The following GCNT2 variants were observed in gnomAD, a reference collection of about 807,000 sequenced individuals.
GCNT2 encodes the protein N-acetyllactosaminide beta-1,6-N-acetylglucosaminyl-transferase.
A neutral mutation model predicts 34.2 loss-of-function variants in GCNT2; 34 were observed. The ratio of observed to expected loss-of-function variants is 1.00; its 90% CI spans 0.76 to 1.32. The LOEUF is 1.32. Ranked by LOEUF, GCNT2 falls within the 40% of genes most tolerant of loss-of-function variation. The pLI is 0.00. For synonymous variants in GCNT2, 212 were observed against 188.0 expected (o/e 1.13, Z -1.04); for missense variants, 584 against 489.4 (o/e 1.19, Z -1.82).
At chr6:10,537,481 A>G (rs564452655) in intron 3 of GCNT2, among the ~76,000 whole-genome samples, 1 of 152,032 alleles carries the variant, frequency 6.6e-6, no homozygotes, top group Non-Finnish European at 1.5e-5. Context: ...CAGGTGGATC[A>G]CTAGAGGTCA....
chr6:10,623,292 ATT>A lies in GCNT2; in HGVS notation c.1018+1863_1018+1864del, dbSNP rs35557936. Reference sequence around the variant, plus strand: ...ACAGTGCATGCCACCTGCCTACATTATTTTTTTTTTTTTTTGAGATGGAGTTT... The same window carrying A: ...ACAGTGCATGCCACCTGCCTACATTATTTTTTTTTTTTTGAGATGGAGTTT... On this transcript the variant is annotated intron_variant, in intron 4 of 4. Transcript: ENST00000495262. Among the ~76,000 whole-genome samples, 308 of 139,496 alleles carry A rather than the reference ATT, an allele frequency of 2.2e-3. 1 individual carries two copies. Among genetic ancestry groups the A allele is most frequent in the African/African-American group, 4.7e-3 (178 of 38,220 alleles). The allele number at this position is 139,496 out of a possible 152,430, so 91.5% of individuals were successfully genotyped here.
chr6:10,615,311 C>T (rs1171659773), intron 3 of GCNT2, among the ~76,000 whole-genome samples: 2 of 152,066 alleles, frequency 1.3e-5, no homozygotes, highest in East Asian at 1.9e-4. Flanking sequence ...AGAGGCCTGG[C>T]GTGGGTCTCA....
At chr6:10,590,799 G>A (rs757896133) in intron 3 of GCNT2, among the ~76,000 whole-genome samples, 5 of 152,058 alleles carry the variant, frequency 3.3e-5, no homozygotes, top group African/African-American at 9.7e-5. Flanking sequence ...TGATCTGCCC[G>A]CCTCGGCCTC....
intron 3 of GCNT2, chr6:10,573,398 G>A: frequency 1.7e-6 from 1 of 573,606 alleles, no homozygotes; most frequent in Non-Finnish European, 2.2e-6. Context: ...CAGCTGGGCA[G>A]TTAACACCAG....
intron 3 of GCNT2, among the ~76,000 whole-genome samples, chr6:10,595,562 A>G (rs1168843039): frequency 6.7e-6 from 1 of 149,416 alleles, no homozygotes; most frequent in African/African-American, 2.5e-5. Context: ...CAGGCGTGCC[A>G]CTCTGCCCGG....
chr6:10,595,922 CAAACTCAAAGCA>C (rs1345372981), intron 3 of GCNT2, among the ~76,000 whole-genome samples: 4 of 152,184 alleles, frequency 2.6e-5, no homozygotes, highest in Non-Finnish European at 5.9e-5. Flanking sequence ...ACTTGTTATG[CAAACTCAAAGCA>C]AAAAAACCGA....
intron 4 of GCNT2, chr6:10,621,787 G>T (rs1347774680): frequency 8.6e-6 from 3 of 349,830 alleles, no homozygotes; most frequent in Non-Finnish European, 1.7e-5. Context: ...GCAGCTCACT[G>T]CAGCCTCAAC....
chr6:10,592,959 T>G (rs564957809), intron 3 of GCNT2, among the ~76,000 whole-genome samples: 1 of 152,280 alleles, frequency 6.6e-6, no homozygotes, highest in African/African-American at 2.4e-5. Flanking sequence ...GCCAAGGTGG[T>G]CTCGATCTCT....
intron 3 of GCNT2, among the ~76,000 whole-genome samples, chr6:10,544,272 T>A (rs1167290014): frequency 4.1e-4 from 53 of 128,708 alleles, no homozygotes; most frequent in East Asian, 1.3e-3. Flanking sequence ...CGAGATCACA[T>A]CACTGCATTC....
At chr6:10,619,263 C>T (rs1225822434) in intron 3 of GCNT2, 1 of 152,112 alleles carries the variant, frequency 6.6e-6, no homozygotes, top group Non-Finnish European at 1.5e-5. Flanking sequence ...CTCACTGCAG[C>T]CTTTAGCTCC....
chr6:10,569,197 T>G (rs1451122155), intron 3 of GCNT2, among the ~76,000 whole-genome samples: 1 of 121,956 alleles, frequency 8.2e-6, no homozygotes, highest in African/African-American at 3.0e-5. Context: ...CTTCAAATCA[T>G]TACCACTTGC....
At chr6:10,621,594 G>A in intron 4 of GCNT2, 151 bp downstream of exon 4, 1 of 677,700 alleles carries the variant, frequency 1.5e-6, no homozygotes, top group Non-Finnish European at 2.7e-6. Flanking sequence ...TCAAGACACA[G>A]TCCTTCAAAA....
chr6:10,614,297 T>C (rs1208603663), intron 3 of GCNT2, among the ~76,000 whole-genome samples: 2 of 152,098 alleles, frequency 1.3e-5, no homozygotes, highest in East Asian at 1.9e-4. Flanking sequence ...CAGGTCATTA[T>C]TGAAGGGCAA....
intron 3 of GCNT2, among the ~76,000 whole-genome samples, chr6:10,563,842 A>G (rs1763159703): frequency 6.8e-6 from 1 of 146,494 alleles, no homozygotes; most frequent in African/African-American, 2.5e-5. Context: ...GCATATGCTT[A>G]ACAAGAAATC....
intron 3 of GCNT2, among the ~76,000 whole-genome samples, chr6:10,559,896 CA>C (rs989756112): frequency 3.9e-5 from 6 of 152,202 alleles, no homozygotes; most frequent in African/African-American, 1.4e-4. Flanking sequence ...TCACAAATTA[CA>C]AGTGAATTAC....
rs146030982 is a variant in GCNT2, at chr6:10,574,570, C to G, written c.925+44734C>G. ...GAAATTATAGGTGATTGTAAAGATC[C>G]CAAAATTGCAAAATTTAGGATGGGG... On this transcript the variant is annotated intron_variant, in intron 3 of 4. Transcript: ENST00000495262. Among the ~76,000 whole-genome samples, 1,441 of 152,164 alleles carry G rather than the reference C, an allele frequency of 9.5e-3. 21 individuals are homozygous for G. The highest frequency in any genetic ancestry group is 0.032 in the African/African-American group (1,323 of 41,496).
At position 10,553,731 on chromosome 6, in the gene GCNT2, T is replaced by A. The variant is rs564782601; in HGVS notation, c.925+23895T>A. On this transcript the variant is annotated intron_variant, in intron 3 of 4. Transcript: ENST00000495262. ...CAACGTGGCGAAATCCCGTCTCTTC[T>A]ACAAATACAAAAATTAGCTGGGCGT... Among the ~76,000 whole-genome samples, 91 of 152,230 alleles carry A rather than the reference T, an allele frequency of 6.0e-4. 1 individual carries two copies. Among genetic ancestry groups the A allele is most frequent in the African/African-American group, 2.1e-3 (86 of 41,530 alleles).
intron 3 of GCNT2, among the ~76,000 whole-genome samples, chr6:10,566,078 C>T (rs1043825410): frequency 2.0e-5 from 3 of 152,172 alleles, no homozygotes; most frequent in African/African-American, 7.2e-5. Flanking sequence ...ACTTGCGGAT[C>T]CCTGTTCTGC....
chr6:10,617,940 A>G (rs897667084), intron 3 of GCNT2, among the ~76,000 whole-genome samples: 13 of 150,958 alleles, frequency 8.6e-5, no homozygotes, highest in Admixed American at 6.6e-4. Flanking sequence ...TCTTTAGTAG[A>G]GACAGGGTTT....
Sources: allele counts gnomAD v4.1 joint callset (sites outside exome capture counted in the v4.1 genomes callset), GRCh38; gene constraint gnomAD v4.1.1; transcripts MANE v1.5; gene names NCBI Gene and HGNC (gene_info 2026-07-23, HGNC 2026-07-21).